The following CENPE variants were observed in gnomAD, a reference collection of about 807,000 sequenced individuals.
The protein encoded by CENPE is centromere-associated protein E.
A neutral mutation model predicts 336.1 loss-of-function variants in CENPE; 145 were observed. The observed-to-expected ratio is 0.43, with a 90% CI of 0.38 to 0.50. CENPE has a LOEUF of 0.50. Ranked by LOEUF, CENPE falls within the 20% of genes least tolerant of loss-of-function variation. CENPE has a pLI of 0.00. For synonymous variants in CENPE, 1,013 were observed against 984.8 expected, an observed-to-expected ratio of 1.03 and a Z score of -0.54; for missense variants, 2,719 against 3,023.3, an observed-to-expected ratio of 0.90 and a Z score of 2.36.
chr4:103,170,927 T>C (rs1250857612), intron 16 of CENPE, among the ~76,000 whole-genome samples: 1 of 152,002 alleles, frequency 6.6e-6, no homozygotes, highest in East Asian at 1.9e-4. Context: ...TCAAAAACTG[T>C]GAAAAGAGAC....
chr4:103,107,891 A>C (rs983631628), intron 48 of CENPE, among the ~76,000 whole-genome samples: 1 of 152,206 alleles, frequency 6.6e-6, no homozygotes, highest in African/African-American at 2.4e-5. Context: ...CCATTGCTTA[A>C]GATCTTTCAA....
Position 103,163,158 on chromosome 4 carries a change from T to C in CENPE, c.1821A>G (p.Lys607=). 6.2e-7 allele frequency: 1 copy of C among 1,609,380 alleles called. No homozygotes were observed. The highest frequency in any genetic ancestry group is 8.5e-7 in the Non-Finnish European group (1 of 1,178,070). Residue 607 remains lysine (K), a synonymous_variant, in exon 18 of 49, where the codon AAA becomes AAG. Transcript: ENST00000265148. ...YIDSQKLENI[K]MDLSYSLESI... Reference sequence around the variant, plus strand: ...TTACCAATGAGTATGACAAGTCCATTTTTATATTTTCTAGCTTTTGAGAGT... The same window carrying C: ...TTACCAATGAGTATGACAAGTCCATCTTTATATTTTCTAGCTTTTGAGAGT...
At chr4:103,190,841 A>G (rs1757246438) in intron 8 of CENPE, among the ~76,000 whole-genome samples, 1 of 152,104 alleles carries the variant, frequency 6.6e-6, no homozygotes, top group Non-Finnish European at 1.5e-5. Context: ...AGAAACTACC[A>G]TCAGAGTGAA....
intron 28 of CENPE, among the ~76,000 whole-genome samples, chr4:103,147,894 A>G (rs1307999190): frequency 6.6e-6 from 1 of 152,066 alleles, no homozygotes; most frequent in Non-Finnish European, 1.5e-5. Flanking sequence ...GGGTTTCACC[A>G]TGTTGGCCAG....
chr4:103,137,121 CTT>C (rs1395228184), intron 39 of CENPE, among the ~76,000 whole-genome samples: 4 of 152,082 alleles, frequency 2.6e-5, no homozygotes, highest in African/African-American at 9.7e-5. Flanking sequence ...ACAAGTCTGA[CTT>C]AGTTTAAAAT....
At chr4:103,120,422 ATTG>A (rs1401595707) in intron 43 of CENPE, 89 bp from the exon 44 acceptor site, 3 of 1,112,542 alleles carry the variant, frequency 2.7e-6, no homozygotes, top group Non-Finnish European at 2.5e-6. Flanking sequence ...ATATTTAGAT[ATTG>A]TTAATTTTTC....
intron 32 of CENPE, 130 bp downstream of exon 32, chr4:103,144,920 T>C (rs1752883399): frequency 1.2e-6 from 1 of 841,486 alleles, no homozygotes; most frequent in Admixed American, 3.4e-5. Context: ...TAAGCAGTTT[T>C]TGATTCCTCT....
chr4:103,189,056 AT>A (rs1757059858), intron 8 of CENPE, among the ~76,000 whole-genome samples: 1 of 152,186 alleles, frequency 6.6e-6, no homozygotes, highest in African/African-American at 2.4e-5. Flanking sequence ...AAATGGATAA[AT>A]TGCTGGACAC....
Position 103,180,205 on chromosome 4 carries a change from AT to A in CENPE, c.1242+105del, listed in dbSNP as rs1410233200. Reference sequence around the variant, plus strand: ...ACACAAAATCTTCTGGGTTTCTTGAATATACTGTATCAAAGGATAGAAAGTG... The same window carrying A: ...ACACAAAATCTTCTGGGTTTCTTGAAATACTGTATCAAAGGATAGAAAGTG... On this transcript the variant is annotated intron_variant, in intron 13 of 48. Coordinates refer to ENST00000265148, the MANE Select transcript of CENPE (RefSeq NM_001813.3). 8.9e-6 allele frequency: 9 copies of A among 1,006,116 alleles called. No individual in the cohort carries two copies. The Admixed American group carries it at 2.6e-4, about 29-fold the overall frequency. 62.3% of individuals were successfully genotyped at this position (1,006,116 alleles called of 1,614,324 possible). A position where few individuals can be genotyped will look rare whatever the true frequency, so the allele number is the denominator to read the frequency against.
intron 40 of CENPE, among the ~76,000 whole-genome samples, chr4:103,134,841 C>A (rs571790728): frequency 4.6e-5 from 7 of 152,280 alleles, no homozygotes; most frequent in East Asian, 1.9e-4. Context: ...TATTCCTCAA[C>A]TTCCACCATT....
chr4:103,126,121 G>C (rs1751075869), intron 42 of CENPE, among the ~76,000 whole-genome samples: 2 of 152,038 alleles, frequency 1.3e-5, no homozygotes. Context: ...GCAACTCTGA[G>C]AGTTAAAAAC....
rs150282431 is a variant in CENPE, at chr4:103,123,195, G to T, written c.6925-106C>A. On this transcript the variant is annotated intron_variant, in intron 42 of 48. Coordinates refer to ENST00000265148, the MANE Select transcript of CENPE (RefSeq NM_001813.3). Reference sequence around the variant, plus strand: ...TTTCAGTTACCCTCAGTCAAAAGTGGTCTGAAAATATTAAATGGGAAATTC... The same window carrying T: ...TTTCAGTTACCCTCAGTCAAAAGTGTTCTGAAAATATTAAATGGGAAATTC... 3.7e-3 allele frequency: 2,927 copies of T among 796,082 alleles called. 28 individuals carry two copies. Among genetic ancestry groups the T allele is most frequent in the Middle Eastern group, 0.015 (41 of 2,720 alleles). 49.3% of individuals were successfully genotyped at this position (796,082 alleles called of 1,614,324 possible).
At chr4:103,127,576 C>A (rs1250780882) in intron 42 of CENPE, among the ~76,000 whole-genome samples, 1 of 152,060 alleles carries the variant, frequency 6.6e-6, no homozygotes, top group East Asian at 1.9e-4. Flanking sequence ...CTTAACTGAG[C>A]TAACTTATGT....
intron 8 of CENPE, among the ~76,000 whole-genome samples, chr4:103,192,466 T>C (rs950688376): frequency 7.9e-5 from 12 of 152,164 alleles, no homozygotes; most frequent in African/African-American, 2.9e-4. Flanking sequence ...GAAATCCTTA[T>C]GATGACTTCA....
chr4:103,189,972 A>C (rs1225989439), intron 8 of CENPE, among the ~76,000 whole-genome samples: 1 of 152,204 alleles, frequency 6.6e-6, no homozygotes, highest in Non-Finnish European at 1.5e-5. Context: ...ATGTGCAAAA[A>C]TCACAAGCAT....
chr4:103,115,295 G>A (rs1480971712), intron 45 of CENPE, among the ~76,000 whole-genome samples: 1 of 151,848 alleles, frequency 6.6e-6, no homozygotes, highest in African/African-American at 2.4e-5. Flanking sequence ...CACCACGCCT[G>A]GCTAATTTTT....
At chr4:103,142,247 T>C (rs1321786068) in intron 34 of CENPE, among the ~76,000 whole-genome samples, 8 of 152,234 alleles carry the variant, frequency 5.3e-5, no homozygotes, top group Non-Finnish European at 1.2e-4. Flanking sequence ...TATGTATACG[T>C]TGTGTTTGTA....
intron 16 of CENPE, among the ~76,000 whole-genome samples, chr4:103,165,105 G>A (rs1206678497): frequency 6.6e-6 from 1 of 152,090 alleles, no homozygotes; most frequent in Non-Finnish European, 1.5e-5. Context: ...AAAAATAAAA[G>A]TGTAATCTCC....
chr4:103,143,470 G>A, intron 33 of CENPE, 64 bp from the exon 34 acceptor site: 3 of 1,097,990 alleles, frequency 2.7e-6, no homozygotes, highest in South Asian at 2.7e-5. Flanking sequence ...CTATAGAAAG[G>A]TATAGGGCAG....
Sources: allele counts gnomAD v4.1 joint callset (sites outside exome capture counted in the v4.1 genomes callset), GRCh38; gene constraint gnomAD v4.1.1; transcripts MANE v1.5; gene names NCBI Gene and HGNC (gene_info 2026-07-23, HGNC 2026-07-21).